The following KIDINS220 variants were observed in gnomAD, a reference collection of about 807,000 sequenced individuals.
KIDINS220 encodes kinase D interacting substrate 220.
A neutral mutation model predicts 157.6 loss-of-function variants in KIDINS220; 63 were observed. The observed-to-expected ratio is 0.40, with a 90% CI of 0.33 to 0.49. The LOEUF is 0.49. Among genes scored for constraint, KIDINS220 ranks in the 20% least tolerant of loss-of-function variants. The pLI, the probability that KIDINS220 is intolerant of heterozygous loss-of-function variation, is 0.66. For missense variants in KIDINS220, 1,772 were observed against 2,171.2 expected (o/e 0.82, Z 3.65); for synonymous variants, 732 against 783.6 (o/e 0.93, Z 1.10).
chr2:8,757,635 G>C lies in KIDINS220; in HGVS notation c.3012-5991C>G, dbSNP rs1479996450. On this transcript the variant is annotated intron_variant, in intron 22 of 29. Coordinates refer to ENST00000256707, the MANE Select transcript of KIDINS220 (RefSeq NM_020738.4). ...TTCGAGGCAGATAACCCAAGTGAAT[G>C]TGCATCTCTGAGGGAGTCATGGCCT... The C allele has an allele frequency of 1.9e-6, 3 of 1,608,846 alleles. No homozygotes were observed. The Admixed American group carries it at 5.0e-5, about 27-fold the overall frequency.
downstream of KIDINS220, among the ~76,000 whole-genome samples, chr2:8,727,811 G>T (rs1443263392): frequency 6.6e-6 from 1 of 152,098 alleles, no homozygotes; most frequent in Admixed American, 6.5e-5. Flanking sequence ...TGAAAATGTT[G>T]GTTATTATGA....
At position 8,773,629 on chromosome 2, in the gene KIDINS220, C is replaced by T. The variant is rs377644167; in HGVS notation, c.2849-2797G>A. Reference sequence around the variant, plus strand: ...CTGGGATTACAGGTGTGAGCCACCACGCCTGCTAATTTTTGTATTGTTCGT... The same window carrying T: ...CTGGGATTACAGGTGTGAGCCACCATGCCTGCTAATTTTTGTATTGTTCGT... On this transcript the variant is annotated intron_variant, in intron 21 of 29. Coordinates refer to ENST00000256707, the MANE Select transcript of KIDINS220 (RefSeq NM_020738.4). Among the ~76,000 whole-genome samples the T allele has an allele frequency of 1.1e-3, 170 of 152,126 alleles. 1 individual carries two copies. Among genetic ancestry groups the T allele is most frequent in the African/African-American group, 3.7e-3 (152 of 41,496 alleles).
intron 1 of KIDINS220, among the ~76,000 whole-genome samples, chr2:8,835,829 C>T (rs1339203636): frequency 6.6e-5 from 10 of 152,016 alleles, no homozygotes; most frequent in Non-Finnish European, 1.5e-4. Context: ...TACAGTAGCA[C>T]ATAAAATGGA....
At chr2:8,761,294 G>A (rs1404718909) in intron 22 of KIDINS220, among the ~76,000 whole-genome samples, 1 of 152,162 alleles carries the variant, frequency 6.6e-6, no homozygotes, top group African/African-American at 2.4e-5. Flanking sequence ...TGAACTCAAA[G>A]TAGATCTATG....
At chr2:8,802,673 T>G (rs772161947) in intron 8 of KIDINS220, among the ~76,000 whole-genome samples, 2 of 152,170 alleles carry the variant, frequency 1.3e-5, no homozygotes, top group Non-Finnish European at 2.9e-5. Flanking sequence ...AAAGCACACC[T>G]ACAGTGACAC....
chr2:8,767,228 G>C (rs1669600424), intron 22 of KIDINS220, among the ~76,000 whole-genome samples: 1 of 152,064 alleles, frequency 6.6e-6, no homozygotes, highest in Admixed American at 6.6e-5. Context: ...CAAAGCAAGT[G>C]TGTTTTGAGA....
intron 21 of KIDINS220, among the ~76,000 whole-genome samples, chr2:8,774,098 C>A (rs1307124617): frequency 4.6e-5 from 7 of 151,676 alleles, no homozygotes; most frequent in African/African-American, 1.5e-4. Context: ...GAGTTCAAGA[C>A]CAGCCTGACC....
At chr2:8,829,922 C>T (rs924796423) in intron 1 of KIDINS220, among the ~76,000 whole-genome samples, 1 of 151,760 alleles carries the variant, frequency 6.6e-6, no homozygotes, top group African/African-American at 2.4e-5. Flanking sequence ...TCCCTCTATA[C>T]CAGCCCCAGC....
At chr2:8,810,822 T>C (rs1676192484) in intron 6 of KIDINS220, among the ~76,000 whole-genome samples, 2 of 151,998 alleles carry the variant, frequency 1.3e-5, no homozygotes, top group Admixed American at 6.6e-5. Flanking sequence ...CAAAACTGTA[T>C]CCATTTTAGA....
chr2:8,765,883 A>G (rs1669421369), intron 22 of KIDINS220, among the ~76,000 whole-genome samples: 1 of 151,970 alleles, frequency 6.6e-6, no homozygotes, highest in African/African-American at 2.4e-5. Flanking sequence ...TAATCATTTC[A>G]TCTTTACTGT....
intron 8 of KIDINS220, among the ~76,000 whole-genome samples, chr2:8,800,766 T>C (rs1466921316): frequency 6.6e-6 from 1 of 152,164 alleles, no homozygotes; most frequent in Non-Finnish European, 1.5e-5. Context: ...CCCAGAACAA[T>C]AATCTATTCT....
intron 14 of KIDINS220, among the ~76,000 whole-genome samples, chr2:8,789,388 C>T (rs1272435507): frequency 1.3e-5 from 2 of 150,554 alleles, no homozygotes; most frequent in South Asian, 2.1e-4. Context: ...CCCAGGTTCA[C>T]GCCATTCTCC....
At chr2:8,781,951 A>C (rs937981690) in intron 17 of KIDINS220, among the ~76,000 whole-genome samples, 2 of 151,980 alleles carry the variant, frequency 1.3e-5, no homozygotes, top group African/African-American at 2.4e-5. Context: ...GTGAAACCCT[A>C]TATCTACAAA....
chr2:8,744,809 G>C (rs879731374), intron 26 of KIDINS220, among the ~76,000 whole-genome samples: 1 of 151,896 alleles, frequency 6.6e-6, no homozygotes, highest in South Asian at 2.1e-4. Context: ...TCTAGGCTTC[G>C]ACAAAACAAA....
intron 6 of KIDINS220, among the ~76,000 whole-genome samples, chr2:8,810,088 G>A (rs908853159): frequency 3.9e-5 from 6 of 152,058 alleles, no homozygotes; most frequent in Non-Finnish European, 5.9e-5. Context: ...TGCCCAGTTC[G>A]TCTCTGCTCC....
chr2:8,738,394 C>T (rs1665183279), intron 26 of KIDINS220, among the ~76,000 whole-genome samples: 2 of 152,250 alleles, frequency 1.3e-5, no homozygotes, highest in East Asian at 3.9e-4. Flanking sequence ...AGTATCTCCT[C>T]CAAGATATTC....
chr2:8,800,183 G>A (rs1379034737), intron 9 of KIDINS220: 1 of 440,754 alleles, frequency 2.3e-6, no homozygotes, highest in Non-Finnish European at 4.0e-6. Context: ...CTAAAAACAT[G>A]AGCTTTTTTG....
At chr2:8,797,133 G>GCC (rs1303280709) in intron 10 of KIDINS220, among the ~76,000 whole-genome samples, 1 of 152,142 alleles carries the variant, frequency 6.6e-6, no homozygotes, top group African/African-American at 2.4e-5. Context: ...GGCTGCTTCT[G>GCC]CCCTACCCCA....
At chr2:8,781,848 G>A (rs1358044798) in intron 17 of KIDINS220, among the ~76,000 whole-genome samples, 1 of 152,228 alleles carries the variant, frequency 6.6e-6, no homozygotes, top group East Asian at 1.9e-4. Flanking sequence ...CTGGCTGGGT[G>A]CAGTGGCTCA....
Sources: allele counts gnomAD v4.1 joint callset (sites outside exome capture counted in the v4.1 genomes callset), GRCh38; gene constraint gnomAD v4.1.1; transcripts MANE v1.5; gene names NCBI Gene and HGNC (gene_info 2026-07-23, HGNC 2026-07-21).